The following TMEM108 variants were observed in gnomAD, a reference collection of about 807,000 sequenced individuals.
TMEM108 encodes cancer/testis antigen 124.
In TMEM108, 12 loss-of-function variants were observed where a neutral mutation model predicts 35.1. The ratio of observed to expected loss-of-function variants is 0.34; its 90% confidence interval spans 0.22 to 0.55. TMEM108 has a LOEUF of 0.55. Ranked by LOEUF, TMEM108 falls within the 20% of genes least tolerant of loss-of-function variation. The probability of loss-of-function intolerance (pLI) is 0.89; values close to 1 mark genes in which losing one functional copy is unlikely to be tolerated. For missense variants in TMEM108, 680 were observed against 753.3 expected (o/e 0.90, Z 1.14); for synonymous variants, 287 against 308.6 (o/e 0.93, Z 0.73).
intron 3 of TMEM108, among the ~76,000 whole-genome samples, chr3:133,376,840 T>A (rs534415450): frequency 3.3e-4 from 50 of 152,282 alleles, no homozygotes; most frequent in Non-Finnish European, 6.2e-4. Context: ...TTTCAGAGGA[T>A]CTCTTAACAT....
At chr3:133,236,438 C>A (rs888811089) in intron 3 of TMEM108, among the ~76,000 whole-genome samples, 1 of 152,058 alleles carries the variant, frequency 6.6e-6, no homozygotes. Flanking sequence ...GCATGGAGAT[C>A]ATGTCTCAGT....
intron 2 of TMEM108, among the ~76,000 whole-genome samples, chr3:133,214,387 C>T (rs1298370961): frequency 2.0e-5 from 3 of 152,120 alleles, no homozygotes; most frequent in African/African-American, 2.4e-5. Flanking sequence ...CTGTCCTCCC[C>T]GCCCCCACTG....
chr3:133,321,832 C>T (rs1012918586), intron 3 of TMEM108, among the ~76,000 whole-genome samples: 21 of 152,166 alleles, frequency 1.4e-4, no homozygotes, highest in Admixed American at 8.5e-4. Context: ...CAAGTGCCCT[C>T]TCAGACCACA....
intron 2 of TMEM108, among the ~76,000 whole-genome samples, chr3:133,226,623 G>C (rs181704789): frequency 6.6e-6 from 1 of 152,236 alleles, no homozygotes; most frequent in African/African-American, 2.4e-5. Context: ...TCCCATCATG[G>C]CCTGAGCTAG....
rs111679211 is a variant in TMEM108 at position 133,377,052 on chromosome 3, T to A, written c.41-2700T>A. On this transcript the variant is annotated intron_variant, in intron 3 of 5. Transcript: ENST00000321871. ...TGATCATCCCTCTGTGCACACGTGC[T>A]CCAGATGTCTGTGTGTCCTAATCTC... 8.9e-3 allele frequency among the ~76,000 whole-genome samples: 1,362 copies of A among 152,294 alleles called. 20 individuals carry two copies. Among genetic ancestry groups the A allele is most frequent in the African/African-American group, 0.03 (1,254 of 41,562 alleles).
intron 2 of TMEM108, among the ~76,000 whole-genome samples, chr3:133,194,665 G>C (rs930599542): frequency 6.6e-6 from 1 of 152,010 alleles, no homozygotes; most frequent in South Asian, 2.1e-4. Context: ...CTAGGTGTGT[G>C]CAAAACACAA....
intron 2 of TMEM108, among the ~76,000 whole-genome samples, chr3:133,173,833 T>A (rs141868330): frequency 0.013 from 1,993 of 152,224 alleles, 20 homozygotes; most frequent in South Asian, 0.02. Context: ...TGGGGAGTGC[T>A]GGACAGTGGG....
At chr3:133,210,683 A>T (rs1236496925) in intron 2 of TMEM108, among the ~76,000 whole-genome samples, 1 of 152,222 alleles carries the variant, frequency 6.6e-6, no homozygotes, top group African/African-American at 2.4e-5. Flanking sequence ...TAAAGATAAA[A>T]CTCATTCAAA....
chr3:133,061,509 A>G (rs1396758236), intron 2 of TMEM108, among the ~76,000 whole-genome samples: 1 of 152,070 alleles, frequency 6.6e-6, no homozygotes, highest in Non-Finnish European at 1.5e-5. Context: ...CATCGTGCCC[A>G]GCCGGGCATG....
intron 3 of TMEM108, among the ~76,000 whole-genome samples, chr3:133,318,938 G>A (rs955015729): frequency 8.4e-5 from 6 of 71,498 alleles, no homozygotes; most frequent in African/African-American, 3.0e-4. Flanking sequence ...AAAACTCAGG[G>A]GAAGTGTATA....
intron 3 of TMEM108, among the ~76,000 whole-genome samples, chr3:133,348,458 A>G (rs2071888135): frequency 6.6e-6 from 1 of 152,134 alleles, no homozygotes; most frequent in Non-Finnish European, 1.5e-5. Context: ...GTCTTAGTAT[A>G]GGGCATTTAG....
chr3:133,390,015 G>T (rs1377392015), intron 4 of TMEM108, among the ~76,000 whole-genome samples, 165 bp from the exon 5 acceptor site: 1 of 152,058 alleles, frequency 6.6e-6, no homozygotes, highest in Non-Finnish European at 1.5e-5. Context: ...TGCTGTAAAG[G>T]TCTTCTGTGG....
intron 2 of TMEM108, among the ~76,000 whole-genome samples, chr3:133,180,214 T>G (rs1945312127): frequency 6.6e-6 from 1 of 152,094 alleles, no homozygotes; most frequent in Non-Finnish European, 1.5e-5. Flanking sequence ...AATAAATAAA[T>G]TCAAAATGTT....
chr3:133,340,292 G>C (rs1441942567), intron 3 of TMEM108, among the ~76,000 whole-genome samples: 1 of 151,732 alleles, frequency 6.6e-6, no homozygotes, highest in African/African-American at 2.4e-5. Flanking sequence ...GATCATTAGT[G>C]GCTATCGTGA....
At chr3:133,332,187 A>C (rs910478161) in intron 3 of TMEM108, among the ~76,000 whole-genome samples, 1 of 152,140 alleles carries the variant, frequency 6.6e-6, no homozygotes, top group Non-Finnish European at 1.5e-5. Context: ...CAAAAATATC[A>C]TCTGAAGTCT....
chr3:133,065,192 T>G (rs903628469), intron 2 of TMEM108, among the ~76,000 whole-genome samples: 1 of 152,280 alleles, frequency 6.6e-6, no homozygotes. Flanking sequence ...CACTGCATTT[T>G]TTTTAGCACT....
At chr3:133,234,379 G>A (rs546786095) in intron 3 of TMEM108, among the ~76,000 whole-genome samples, 1 of 152,242 alleles carries the variant, frequency 6.6e-6, no homozygotes, top group South Asian at 2.1e-4. Context: ...AAATCCAGCA[G>A]CACATCAAAA....
At chr3:133,097,933 C>G (rs376093306) in intron 2 of TMEM108, among the ~76,000 whole-genome samples, 1 of 152,124 alleles carries the variant, frequency 6.6e-6, no homozygotes, top group African/African-American at 2.4e-5. Flanking sequence ...TTGGTTCAGT[C>G]TGAGAAAGGC....
intron 2 of TMEM108, among the ~76,000 whole-genome samples, chr3:133,108,163 G>A (rs1302988285): frequency 2.6e-5 from 4 of 152,062 alleles, no homozygotes; most frequent in South Asian, 2.1e-4. Context: ...CTCGGGAGGC[G>A]GAGGTTGCAA....
Sources: gnomAD v4.1 joint callset for allele counts (sites outside exome capture counted in the v4.1 genomes callset) on GRCh38, gnomAD v4.1.1 for gene constraint, MANE v1.5 for transcripts, NCBI Gene and HGNC (gene_info 2026-07-23, HGNC 2026-07-21) for gene names.